SYT7: variants seen among roughly 807,000 people sequenced by gnomAD.
SYT7 encodes synaptotagmin 7, also known as synaptotagmin-7.
In SYT7, 29 loss-of-function variants were observed where a neutral mutation model predicts 75.1. That is an observed-to-expected ratio of 0.39 (90% CI 0.29 to 0.53). The LOEUF (loss-of-function observed/expected upper bound fraction) is 0.53, where lower values mean the gene tolerates loss of function less well. SYT7 is among the 20% of genes least tolerant of loss of function. The probability of loss-of-function intolerance (pLI) is 0.77; values close to 1 mark genes in which losing one functional copy is unlikely to be tolerated. For missense variants in SYT7, 693 were observed against 953.2 expected (o/e 0.73, Z 3.59); for synonymous variants, 376 against 401.7 (o/e 0.94, Z 0.76).
chr11:61,537,768 C>T lies in SYT7; in HGVS notation c.1064+376G>A, dbSNP rs984858491. 9.9e-5 allele frequency among the ~76,000 whole-genome samples: 15 copies of T among 152,172 alleles called. 1 individual carries two copies. The highest frequency in any genetic ancestry group is 1.9e-4 in the Non-Finnish European group (13 of 68,036). The stretch of plus-strand genomic sequence containing the variant: ...GCCCCTTCCCTTACATCCCCCCCGC[C>T]CACCAACCACCAGAGAAACAGGGAT... On this transcript the variant is annotated intron_variant, in intron 7 of 12. Coordinates refer to ENST00000539008, the MANE Select transcript of SYT7 (RefSeq NM_001365809.2).
chr11:61,552,334 G>A lies in SYT7; in HGVS notation c.136-871C>T, dbSNP rs926710838. Among the ~76,000 whole-genome samples the A allele has an allele frequency of 3.3e-5, 5 of 152,158 alleles. No homozygotes were observed. The South Asian group carries it at 6.2e-4, about 19-fold the overall frequency. ...GTCCTCACACGCACCCATGGGCCACGGACCTGGGCCAGGTCCAGGGCTGAT... is the reference window on the plus strand; with the variant it reads ...GTCCTCACACGCACCCATGGGCCACAGACCTGGGCCAGGTCCAGGGCTGAT... On this transcript the variant is annotated intron_variant, in intron 2 of 12. Transcript: ENST00000539008.
chr11:61,554,324 C>A (rs1481887792), intron 2 of SYT7, among the ~76,000 whole-genome samples: 3 of 151,932 alleles, frequency 2.0e-5, no homozygotes, highest in Non-Finnish European at 4.4e-5. Flanking sequence ...ACACACACTG[C>A]AGCACATATG....
At chr11:61,541,772 G>A (rs138045323) in intron 6 of SYT7, among the ~76,000 whole-genome samples, 62 of 152,106 alleles carry the variant, frequency 4.1e-4, no homozygotes, top group African/African-American at 1.3e-3. Context: ...GGGTTACAGG[G>A]GAGAAGTAAA....
chr11:61,523,743 G>C lies in SYT7; in HGVS notation c.1756+84C>G. ...GCGGGTTGGGGTGAGGACCACTGCA[G>C]ACCCTGCTCTCCACATCCGGTGTAA... is the stretch of plus-strand genomic sequence containing the variant. On this transcript the variant is annotated intron_variant, in intron 11 of 12. Transcript: ENST00000539008. The surrounding 1 kb of genome is among the most constrained non-coding windows in gnomAD (Gnocchi z 5.0). 1 of 1,374,310 alleles carries C rather than the reference G, an allele frequency of 7.3e-7. No individual in the cohort carries two copies. The highest frequency in any genetic ancestry group is 1.0e-6 in the Non-Finnish European group (1 of 979,418). The allele number at this position is 1,374,310 out of a possible 1,614,324, so 85.1% of individuals were successfully genotyped here. A position where few individuals can be genotyped will look rare whatever the true frequency, so the allele number is the denominator to read the frequency against.
chr11:61,553,022 C>T lies in SYT7; in HGVS notation c.136-1559G>A, dbSNP rs1421881699. On this transcript the variant is annotated intron_variant, in intron 2 of 12. Transcript: ENST00000539008. The surrounding 1 kb of genome is among the most constrained non-coding windows in gnomAD (Gnocchi z 5.2). The stretch of plus-strand genomic sequence containing the variant: ...ACTGGGCAGTTCTCAGAAATCATCA[C>T]CTGGAAGTGTCCCTTCTATGGCCCC... Among the ~76,000 whole-genome samples, 1 of 152,306 alleles carries T rather than the reference C, an allele frequency of 6.6e-6. No homozygotes were observed. Among genetic ancestry groups the T allele is most frequent in the Non-Finnish European group, 1.5e-5 (1 of 68,018 alleles).
Position 61,523,999 on chromosome 11 carries a change from C to T in SYT7, c.1642-58G>A. 4 of 1,512,758 alleles carry T rather than the reference C, an allele frequency of 2.6e-6. No homozygotes were observed. Among genetic ancestry groups the T allele is most frequent in the Non-Finnish European group, 3.7e-6 (4 of 1,090,338 alleles). The allele number at this position is 1,512,758 out of a possible 1,614,324, so 93.7% of individuals were successfully genotyped here. A position where few individuals can be genotyped will look rare whatever the true frequency, so the allele number is the denominator to read the frequency against. ...TAGGCTAGCAGAGCTCTCTGATTGG[C>T]CTAGCTGCCCCCAGGTCCCCTCTAC... is the stretch of plus-strand genomic sequence containing the variant. On this transcript the variant is annotated intron_variant, in intron 10 of 12. Transcript: ENST00000539008. This position sits in a 1 kb window ranked among gnomAD's most constrained non-coding sequence, Gnocchi z 5.0.
upstream of SYT7, among the ~76,000 whole-genome samples, chr11:61,581,455 T>C (rs1390373449): frequency 6.6e-6 from 1 of 152,192 alleles, no homozygotes; most frequent in Non-Finnish European, 1.5e-5. Flanking sequence ...TCCTCCGAGG[T>C]GCCCTTTGGC....
intron 1 of SYT7, among the ~76,000 whole-genome samples, chr11:61,569,096 G>A (rs2063851249): frequency 6.6e-6 from 1 of 152,118 alleles, no homozygotes; most frequent in Admixed American, 6.5e-5. Flanking sequence ...GACCTGGGCT[G>A]CTTCCCCACT....
chr11:61,576,762 T>C lies in SYT7; in HGVS notation c.31+4028A>G, dbSNP rs2064092532. ...GAGGGGCAGGAGGGGGAGGGAACCA[T>C]ATACGGCTCCTCTGCCTGTTCCACA... On this transcript the variant is annotated intron_variant, in intron 1 of 12. Coordinates refer to ENST00000539008, the MANE Select transcript of SYT7 (RefSeq NM_001365809.2). The surrounding 1 kb of genome is among the most constrained non-coding windows in gnomAD (Gnocchi z 4.1). Among the ~76,000 whole-genome samples, 1 of 152,018 alleles carries C rather than the reference T, an allele frequency of 6.6e-6. No homozygotes were observed. Among genetic ancestry groups the C allele is most frequent in the Non-Finnish European group, 1.5e-5 (1 of 67,980 alleles).
At chr11:61,567,806 C>A (rs1485701900) in intron 1 of SYT7, among the ~76,000 whole-genome samples, 1 of 152,240 alleles carries the variant, frequency 6.6e-6, no homozygotes, top group African/African-American at 2.4e-5. Context: ...CCGGCCCCCG[C>A]CGCCCCCTCA....
At chr11:61,563,794 T>C (rs1050313523) in intron 1 of SYT7, among the ~76,000 whole-genome samples, 6 of 152,190 alleles carry the variant, frequency 3.9e-5, no homozygotes, top group Non-Finnish European at 5.9e-5. Flanking sequence ...CTAGTAACTA[T>C]GACAATTAAC....
chr11:61,541,103 C>T (rs903947106), intron 6 of SYT7: 26 of 985,398 alleles, frequency 2.6e-5, no homozygotes, highest in Middle Eastern at 5.2e-4. Flanking sequence ...CCCATCTGCC[C>T]GGGAAGCCCT....
At chr11:61,545,244 G>A (rs922055698) in intron 5 of SYT7, among the ~76,000 whole-genome samples, 1 of 152,186 alleles carries the variant, frequency 6.6e-6, no homozygotes, top group East Asian at 1.9e-4. Flanking sequence ...CTGACTGTTC[G>A]ACAAGCTCAG....
At chr11:61,533,395 T>C in intron 7 of SYT7, 2 of 985,318 alleles carry the variant, frequency 2.0e-6, no homozygotes, top group African/African-American at 1.7e-5. Context: ...TTCTTCCTGT[T>C]CCCCAGAAAC....
At chr11:61,532,079 G>A (rs2135143783) in intron 8 of SYT7, among the ~76,000 whole-genome samples, 1 of 152,140 alleles carries the variant, frequency 6.6e-6, no homozygotes, top group African/African-American at 2.4e-5. Flanking sequence ...GCAGAAGGGT[G>A]GGGGCTCTGG....
rs1053681116 is a variant in SYT7, at chr11:61,523,058, A to G, written c.1956+17T>C. The G allele has an allele frequency of 3.1e-6, 5 of 1,613,338 alleles. No individual in the cohort carries two copies. In the Admixed American group the frequency reaches 5.0e-5, roughly 16 times the overall value. Reference sequence around the variant, plus strand: ...CTGGTGCCAGCAGGTGCACCACACCACCTGCCTCGCCCCTACCTTGCCGAT... The same window carrying G: ...CTGGTGCCAGCAGGTGCACCACACCGCCTGCCTCGCCCCTACCTTGCCGAT... On this transcript the variant is annotated intron_variant, in intron 12 of 12. Coordinates refer to ENST00000539008, the MANE Select transcript of SYT7 (RefSeq NM_001365809.2). The surrounding 1 kb of genome is among the most constrained non-coding windows in gnomAD (Gnocchi z 5.0).
chr11:61,546,203 C>T lies in SYT7; in HGVS notation c.400G>A (p.Glu134Lys), dbSNP rs1440691312. 1 of 1,498,880 alleles carries T rather than the reference C, an allele frequency of 6.7e-7. No homozygotes were observed. Among genetic ancestry groups the T allele is most frequent in the East Asian group, 2.6e-5 (1 of 38,354 alleles). 92.8% of individuals were successfully genotyped at this position (1,498,880 alleles called of 1,614,324 possible). The change falls in exon 5 of 13, where the codon GAG (glutamate) becomes AAG (lysine). Residue 134 changes from glutamate (E) to lysine (K), a missense_variant. Coordinates refer to ENST00000539008, the MANE Select transcript of SYT7 (RefSeq NM_001365809.2). The surrounding 1 kb of genome is among the most constrained non-coding windows in gnomAD (Gnocchi z 7.6). ...TTCTCCCCCAGCCGGCCTTCCCGCT[C>T]CACCGCCAGCCCCGCCGCGGCGGCC... ...KVAAAAGLAVEREGRLGEKPA... is the reference protein window; with the variant it reads ...KVAAAAGLAVKREGRLGEKPA...
At chr11:61,520,834 C>G (rs766874708) in intron 12 of SYT7, among the ~76,000 whole-genome samples, 3 of 152,122 alleles carry the variant, frequency 2.0e-5, no homozygotes, top group Admixed American at 6.6e-5. Context: ...AAAAACAAAA[C>G]AAAACGAAAC....
chr11:61,549,631 A>G (rs1287432083), intron 3 of SYT7, among the ~76,000 whole-genome samples: 2 of 152,216 alleles, frequency 1.3e-5, no homozygotes, highest in African/African-American at 2.4e-5. Context: ...GTTCTCTGGA[A>G]AGAAGCAAAG....
Sources: allele counts gnomAD v4.1 joint callset (sites outside exome capture counted in the v4.1 genomes callset), GRCh38; gene constraint gnomAD v4.1.1; non-coding constraint Gnocchi (gnomAD v3.1); transcripts MANE v1.5; gene names NCBI Gene and HGNC (gene_info 2026-07-23, HGNC 2026-07-21).